The following IFFO1 variants were observed in gnomAD, a reference collection of about 807,000 sequenced individuals.
IFFO1 encodes intermediate filament family orphan 1, also known as non-homologous end joining factor IFFO1.
IFFO1 carries 42 observed loss-of-function variants against 59.6 expected under a neutral mutation model. That is an observed-to-expected ratio of 0.70 (90% confidence interval 0.55 to 0.91). The LOEUF is 0.91. IFFO1 is among the 40% of genes least tolerant of loss of function. The probability of loss-of-function intolerance (pLI) is 0.00; values close to 1 mark genes in which losing one functional copy is unlikely to be tolerated. For synonymous variants in IFFO1, 336 were observed against 342.8 expected (o/e 0.98, Z 0.22); for missense variants, 711 against 793.2 (o/e 0.90, Z 1.24).
At chr12:6,545,222 T>A (rs186250942) in intron 8 of IFFO1, among the ~76,000 whole-genome samples, 1,645 of 151,178 alleles carry the variant, frequency 0.011, 25 homozygotes, top group African/African-American at 0.035. Flanking sequence ...CTCAAAAAAA[T>A]AAATAAATAA....
At chr12:6,547,429 G>C (rs942108079) in intron 8 of IFFO1, among the ~76,000 whole-genome samples, 2 of 151,894 alleles carry the variant, frequency 1.3e-5, no homozygotes, top group Admixed American at 6.6e-5. Context: ...AAAGAAACAG[G>C]TGTAGGGCTG....
In IFFO1 at chr12:6,555,878, T is replaced by G. The variant is rs1947427032; in HGVS notation, c.152A>C (p.Tyr51Ser). The G allele has an allele frequency of 6.3e-7, 1 of 1,598,368 alleles. No homozygotes were observed. The highest frequency in any genetic ancestry group is 8.5e-7 in the Non-Finnish European group (1 of 1,175,188). ...GGCCGGGCCCGGCCCGGGCGGCGAG[T>G]AGGCAGCAGGGCCGGCCGGCGAGAG... ...APLSPAGPAA[Y>S]SPPGPGPAPP... Residue 51 changes from tyrosine (Y) to serine (S), a missense_variant, in exon 1 of 10, where the codon TAC (tyrosine) becomes TCC (serine). Coordinates refer to ENST00000619571, the MANE Select transcript of IFFO1 (RefSeq NM_001193457.2). This position sits in a 1 kb window ranked among gnomAD's most constrained non-coding sequence, Gnocchi z 8.6.
chr12:6,545,699 G>GA (rs3076273), intron 8 of IFFO1, among the ~76,000 whole-genome samples: 5,765 of 135,208 alleles, frequency 0.043, 362 homozygotes, highest in African/African-American at 0.14. Context: ...CTCCGTCTCG[G>GA]AAAAAAAAAA....
At position 6,545,664 on chromosome 12, in the gene IFFO1, C is replaced by T. The variant is rs1015946812; in HGVS notation, c.1479+2401G>A. ...AGTGAGCCGAGTTCAAGCCACTGCACTCCAGCCTGGGTGACACAGCGAGAC... is the reference window on the plus strand; with the variant it reads ...AGTGAGCCGAGTTCAAGCCACTGCATTCCAGCCTGGGTGACACAGCGAGAC... On this transcript the variant is annotated intron_variant, in intron 8 of 9. Coordinates refer to ENST00000619571, the MANE Select transcript of IFFO1 (RefSeq NM_001193457.2). 2.6e-5 allele frequency among the ~76,000 whole-genome samples: 4 copies of T among 151,672 alleles called. No individual in the cohort carries two copies. The South Asian group carries it at 8.3e-4, about 32-fold the overall frequency.
At chr12:6,550,228 A>G in intron 3 of IFFO1, 1 of 337,490 alleles carries the variant, frequency 3.0e-6, no homozygotes, top group South Asian at 6.4e-5. Context: ...AGAGAAAGAG[A>G]CTCCTGGGAA....
In IFFO1 at chr12:6,555,463, G is replaced by A. The variant is rs1404877509; in HGVS notation, c.567C>T (p.Ala189=). 6 of 1,613,410 alleles carry A rather than the reference G, an allele frequency of 3.7e-6. No individual in the cohort carries two copies. Among genetic ancestry groups the A allele is most frequent in the Non-Finnish European group, 5.1e-6 (6 of 1,179,692 alleles). ...ACCAGATGGTGCCGGGCATGAAGCG[G>A]GCCGACGAGGAATAGGTGGTGGAGG... ...TSTSTTYSSS[A]RFMPGTIWSF... The change falls in exon 1 of 10, where the codon GCC becomes GCT. Residue 189 remains alanine (A), a synonymous_variant. Transcript: ENST00000619571. This position sits in a 1 kb window ranked among gnomAD's most constrained non-coding sequence, Gnocchi z 8.6.
At chr12:6,544,853 G>A (rs1946879291) in intron 8 of IFFO1, 1 of 152,198 alleles carries the variant, frequency 6.6e-6, no homozygotes, top group African/African-American at 2.4e-5. Context: ...TGTGTGTTGG[G>A]AGAATGAGTA....
chr12:6,544,008 A>G (rs900056991), intron 8 of IFFO1: 3 of 152,146 alleles, frequency 2.0e-5, no homozygotes, highest in Non-Finnish European at 2.9e-5. Context: ...AATAAAGTAC[A>G]CAATAAATGT....
At chr12:6,544,165 CTT>C (rs531995265) in intron 8 of IFFO1, among the ~76,000 whole-genome samples, 11 of 136,686 alleles carry the variant, frequency 8.0e-5, no homozygotes, top group East Asian at 2.1e-4. Context: ...TTTGAAAATA[CTT>C]TTTTTTTTTT....
chr12:6,552,591 C>T (rs1408759611), intron 1 of IFFO1, among the ~76,000 whole-genome samples: 2 of 152,156 alleles, frequency 1.3e-5, no homozygotes, highest in East Asian at 1.9e-4. Context: ...CGGGAGCCCA[C>T]GAGTCCCTGG....
chr12:6,549,292 A>T lies in IFFO1; in HGVS notation c.1080+184T>A. 1.5e-6 allele frequency: 1 copy of T among 661,070 alleles called. No homozygotes were observed. Among genetic ancestry groups the T allele is most frequent in the Non-Finnish European group, 2.7e-6 (1 of 372,322 alleles). The allele number at this position is 661,070 out of a possible 1,614,324, so 41.0% of individuals were successfully genotyped here. On this transcript the variant is annotated intron_variant, in intron 5 of 9. Coordinates refer to ENST00000619571, the MANE Select transcript of IFFO1 (RefSeq NM_001193457.2). This position sits in a 1 kb window ranked among gnomAD's most constrained non-coding sequence, Gnocchi z 5.0. ...TCTGGAAAGCCGGGGGAGAAGGGAG[A>T]GAAAGAAATGCAGTCAAGAGAACAA...
In IFFO1 at chr12:6,543,290, G is replaced by C. The variant is rs138478545; in HGVS notation, c.1480-1648C>G. On this transcript the variant is annotated intron_variant, in intron 8 of 9. Transcript: ENST00000619571. ...CAGAAGTCCCCAAACCCCAGGCCAC[G>C]GACCAGTACCTGTCTGTGGCCTGTT... Among the ~76,000 whole-genome samples, 86 of 152,270 alleles carry C rather than the reference G, an allele frequency of 5.6e-4. 1 individual carries two copies. Among genetic ancestry groups the C allele is most frequent in the African/African-American group, 2.1e-3 (86 of 41,538 alleles).
intron 1 of IFFO1, chr12:6,551,655 C>G (rs1451750235): frequency 4.7e-6 from 2 of 421,680 alleles, no homozygotes; most frequent in African/African-American, 4.1e-5. Context: ...GGCCGGAAGT[C>G]CCACAGCAGC....
intron 8 of IFFO1, among the ~76,000 whole-genome samples, chr12:6,545,236 A>C (rs1048156842): frequency 2.0e-5 from 3 of 152,010 alleles, no homozygotes; most frequent in Non-Finnish European, 4.4e-5. Flanking sequence ...TAAATAAATA[A>C]ATAAATGAAA....
downstream of IFFO1, chr12:6,539,285 C>G (rs944033134): frequency 6.6e-6 from 1 of 152,266 alleles, no homozygotes; most frequent in Non-Finnish European, 1.5e-5. Flanking sequence ...AACTCCGTCT[C>G]TACTAAAATT....
rs146539186 is a variant in IFFO1 at position 6,550,415 on chromosome 12, G to A, written c.930+280C>T. On this transcript the variant is annotated intron_variant, in intron 3 of 9. Coordinates refer to ENST00000619571, the MANE Select transcript of IFFO1 (RefSeq NM_001193457.2). ...TCAGAGGCTGAGGAATCGGCCCAGC[G>A]CCCCGGCGCCAGCTGCAGAGCCTCC... 1.3e-4 allele frequency: 69 copies of A among 515,406 alleles called. 1 individual carries two copies. Among genetic ancestry groups the A allele is most frequent in the African/African-American group, 1.0e-3 (54 of 52,682 alleles). The allele number at this position is 515,406 out of a possible 1,614,324, so 31.9% of individuals were successfully genotyped here. A position where few individuals can be genotyped will look rare whatever the true frequency, so the allele number is the denominator to read the frequency against.
At chr12:6,547,391 A>G (rs1947012830) in intron 8 of IFFO1, among the ~76,000 whole-genome samples, 1 of 131,822 alleles carries the variant, frequency 7.6e-6, no homozygotes, top group Non-Finnish European at 1.6e-5. Context: ...CCTGTCTCAA[A>G]AAAAGAAAGA....
Position 6,540,546 on chromosome 12 carries a change from C to T in IFFO1, c.1653G>A (p.Pro551=), listed in dbSNP as rs753067634. The T allele has an allele frequency of 1.7e-5, 27 of 1,614,008 alleles. No individual in the cohort carries two copies. The highest frequency in any genetic ancestry group is 4.4e-5 in the South Asian group (4 of 91,086). ...AGTCCTCAGCCTCGCTTGGCGGCGG[C>T]GGCGGGTCGCTAAGCGGGACCGCAG... is the stretch of plus-strand genomic sequence containing the variant. ...AFTAVPLSDP[P]PPPSEAEDSD... is the part of the protein sequence containing the mutation. The change falls in exon 10 of 10, where the codon CCG becomes CCA. Residue 551 remains proline, a synonymous_variant. Transcript: ENST00000619571.
chr12:6,547,983 G>A lies in IFFO1; in HGVS notation c.1479+82C>T. On this transcript the variant is annotated intron_variant, in intron 8 of 9. Coordinates refer to ENST00000619571, the MANE Select transcript of IFFO1 (RefSeq NM_001193457.2). ...AGACCTTGGTCTCTAGGGTCCTGCA[G>A]CAGGGATGAGGCCACTGCGCCTGCA... 1.4e-5 allele frequency: 14 copies of A among 997,890 alleles called. No homozygotes were observed. In the South Asian group the frequency reaches 1.8e-4, roughly 13 times the overall value. 61.8% of individuals were successfully genotyped at this position (997,890 alleles called of 1,614,324 possible). A position where few individuals can be genotyped will look rare whatever the true frequency, so the allele number is the denominator to read the frequency against.
Sources: gnomAD v4.1 joint callset for allele counts (sites outside exome capture counted in the v4.1 genomes callset) on GRCh38, gnomAD v4.1.1 for gene constraint, Gnocchi (gnomAD v3.1) non-coding constraint, MANE v1.5 for transcripts, NCBI Gene and HGNC (gene_info 2026-07-23, HGNC 2026-07-21) for gene names.